COLEC10: variants seen among roughly 807,000 people sequenced by gnomAD.
The protein encoded by COLEC10 is collectin-10.
In COLEC10, 22 loss-of-function variants were observed where a neutral mutation model predicts 28.4. The ratio of observed to expected loss-of-function variants is 0.78; its 90% CI spans 0.55 to 1.11. The LOEUF (loss-of-function observed/expected upper bound fraction) is 1.11, where lower values mean the gene tolerates loss of function less well. Ranked by LOEUF, COLEC10 falls within the 50% of genes least tolerant of loss-of-function variation. The pLI, the probability that COLEC10 is intolerant of heterozygous loss-of-function variation, is 0.00. For missense variants in COLEC10, 361 were observed against 344.1 expected, an observed-to-expected ratio of 1.05 and a Z score of -0.39; for synonymous variants, 125 against 116.1, an observed-to-expected ratio of 1.08 and a Z score of -0.49.
the COLEC10 span, among the ~76,000 whole-genome samples, chr8:118,958,087 A>T: frequency 1.4e-3 from 209 of 152,292 alleles, 1 homozygote; most frequent in Non-Finnish European, 2.1e-3. Context: ...GTGTGCAGGG[A>T]ATAGCCCAGA....
intron 2 of COLEC10, among the ~76,000 whole-genome samples, chr8:119,049,100 T>G (rs1264572776): frequency 6.6e-6 from 1 of 152,184 alleles, no homozygotes; most frequent in African/African-American, 2.4e-5. Context: ...TGAAGCTTAG[T>G]TTTCCAGAAT....
intron 1 of COLEC10, among the ~76,000 whole-genome samples, chr8:119,069,140 A>G (rs1308198284): frequency 6.6e-6 from 1 of 152,038 alleles, no homozygotes; most frequent in African/African-American, 2.4e-5. Context: ...TTCTATTACA[A>G]ACTCTTGAGG....
chr8:118,968,717 G>A, the COLEC10 span, among the ~76,000 whole-genome samples: 277 of 151,902 alleles, frequency 1.8e-3, 1 homozygote, highest in African/African-American at 6.4e-3. Flanking sequence ...GTGGTTTACT[G>A]CACCCATCAA....
intron 1 of COLEC10, among the ~76,000 whole-genome samples, chr8:119,076,929 C>T (rs1289125860): frequency 6.6e-6 from 1 of 152,176 alleles, no homozygotes; most frequent in African/African-American, 2.4e-5. Context: ...AAAGTGAAAG[C>T]TCCCAAAGAA....
At chr8:119,095,424 C>A (rs746391730) in intron 3 of COLEC10, among the ~76,000 whole-genome samples, 2 of 152,132 alleles carry the variant, frequency 1.3e-5, no homozygotes, top group Non-Finnish European at 2.9e-5. Context: ...AGAAGTGGGC[C>A]AGGCACGGTG....
At chr8:118,997,148 C>T (rs1227351183) in intron 1 of COLEC10, among the ~76,000 whole-genome samples, 4 of 152,140 alleles carry the variant, frequency 2.6e-5, no homozygotes, top group Non-Finnish European at 5.9e-5. Flanking sequence ...TTGTTTTCCT[C>T]AGCTTTTGTT....
At chr8:119,006,568 C>T (rs1283536452) in intron 1 of COLEC10, among the ~76,000 whole-genome samples, 4 of 152,022 alleles carry the variant, frequency 2.6e-5, no homozygotes, top group African/African-American at 4.8e-5. Context: ...GGTATGGTCC[C>T]AATAGCTGTT....
intron 2 of COLEC10, among the ~76,000 whole-genome samples, chr8:119,041,130 T>C (rs1814487034): frequency 6.6e-6 from 1 of 152,188 alleles, no homozygotes; most frequent in Non-Finnish European, 1.5e-5. Flanking sequence ...AGGGTCTACT[T>C]CTGGGGAATT....
intron 1 of COLEC10, among the ~76,000 whole-genome samples, chr8:118,995,901 A>C (rs1175898981): frequency 6.6e-6 from 1 of 152,058 alleles, no homozygotes; most frequent in Middle Eastern, 3.2e-3. Context: ...AGAATATTTA[A>C]TGTGAGATAT....
chr8:119,091,595 G>GAGAGAGAAAGAA (rs1250359009), intron 3 of COLEC10, among the ~76,000 whole-genome samples: 26 of 138,576 alleles, frequency 1.9e-4, no homozygotes, highest in East Asian at 6.7e-4. Context: ...GAGAGAGAGA[G>GAGAGAGAAAGAA]AGAAAGAAAG....
In COLEC10 at chr8:119,075,893, T is replaced by TA. The variant is rs1491541737; in HGVS notation, c.148+8464_148+8465insA. Among the ~76,000 whole-genome samples, 4 of 28,144 alleles carry TA rather than the reference T, an allele frequency of 1.4e-4. No individual in the cohort carries two copies. The Admixed American group carries it at 1.8e-3, about 12-fold the overall frequency. 18.5% of individuals were successfully genotyped at this position (28,144 alleles called of 152,430 possible). A position where few individuals can be genotyped will look rare whatever the true frequency, so the allele number is the denominator to read the frequency against. On this transcript the variant is annotated intron_variant, in intron 1 of 5. Transcript: ENST00000332843. ...CATCTCAAGAATGATCAGCCATATC[T>TA]TTTTTTTTTTTTTTTTTTTTTTTGT...
intron 1 of COLEC10, among the ~76,000 whole-genome samples, chr8:119,007,425 G>T (rs999282597): frequency 6.9e-6 from 1 of 144,440 alleles, no homozygotes; most frequent in Non-Finnish European, 1.5e-5. Context: ...GATAGGGAAG[G>T]TTCTTCTGTA....
chr8:119,033,428 A>G (rs957871810), intron 2 of COLEC10, among the ~76,000 whole-genome samples: 1 of 152,240 alleles, frequency 6.6e-6, no homozygotes. Context: ...GCTTCTGCAC[A>G]GGAAAGGAAA....
chr8:118,956,839 A>T, the COLEC10 span, among the ~76,000 whole-genome samples: 1 of 152,274 alleles, frequency 6.6e-6, no homozygotes, highest in African/African-American at 2.4e-5. Flanking sequence ...TGGCTAATGA[A>T]GATGTCTTCA....
chr8:119,091,016 C>T, intron 2 of COLEC10, 133 bp from the exon 3 acceptor site: 1 of 708,486 alleles, frequency 1.4e-6, no homozygotes. Context: ...GACAATATAG[C>T]ATGGGATATA....
chr8:118,976,149 T>A, the COLEC10 span, among the ~76,000 whole-genome samples: 1 of 152,074 alleles, frequency 6.6e-6, no homozygotes, highest in South Asian at 2.1e-4. Context: ...AATAAATTCA[T>A]GTTCAATTAT....
At chr8:119,071,977 C>A (rs1317386297) in intron 1 of COLEC10, among the ~76,000 whole-genome samples, 1 of 152,210 alleles carries the variant, frequency 6.6e-6, no homozygotes, top group African/African-American at 2.4e-5. Context: ...ACTTCTCCAA[C>A]AACCTAAGAA....
rs1373717158 is a variant in COLEC10 at position 119,106,799 on chromosome 8, A to G, written c.*608A>G. On this transcript the variant is annotated 3_prime_UTR_variant, in exon 6 of 6. Transcript: ENST00000332843. Reference sequence around the variant, plus strand: ...CTAGCTTTGTGTCTTGTTTCAGACCATGTGGAATGATAAATACTCTTTTTG... The same window carrying G: ...CTAGCTTTGTGTCTTGTTTCAGACCGTGTGGAATGATAAATACTCTTTTTG... 2.0e-5 allele frequency among the ~76,000 whole-genome samples: 3 copies of G among 152,198 alleles called. No homozygotes were observed. Among genetic ancestry groups the G allele is most frequent in the Non-Finnish European group, 2.9e-5 (2 of 68,022 alleles).
chr8:119,095,899 C>T (rs886798038), intron 3 of COLEC10, among the ~76,000 whole-genome samples: 8 of 151,908 alleles, frequency 5.3e-5, no homozygotes, highest in African/African-American at 1.7e-4. Context: ...GAAACTAAAC[C>T]ATTAGAATAG....
Sources: gnomAD v4.1 joint callset for allele counts (sites outside exome capture counted in the v4.1 genomes callset) on GRCh38, gnomAD v4.1.1 for gene constraint, MANE v1.5 for transcripts, NCBI Gene and HGNC (gene_info 2026-07-23, HGNC 2026-07-21) for gene names.